KCNQ3: variants seen among roughly 807,000 people sequenced by gnomAD.
KCNQ3 encodes potassium voltage-gated channel subfamily KQT member 3.
KCNQ3 carries 30 observed loss-of-function variants against 92.5 expected under a neutral mutation model. That is an observed-to-expected ratio of 0.32 (90% CI 0.24 to 0.44). The LOEUF (loss-of-function observed/expected upper bound fraction) is 0.44, where lower values mean the gene tolerates loss of function less well. Ranked by LOEUF, KCNQ3 falls within the 20% of genes least tolerant of loss-of-function variation. The pLI is 1.00. For missense variants in KCNQ3, 913 were observed against 1,140.3 expected (o/e 0.80, Z 2.87); for synonymous variants, 450 against 468.8 (o/e 0.96, Z 0.52).
At chr8:132,208,018 C>A (rs1005355520) in intron 1 of KCNQ3, among the ~76,000 whole-genome samples, 12 of 151,778 alleles carry the variant, frequency 7.9e-5, no homozygotes, top group Non-Finnish European at 1.3e-4. Flanking sequence ...AGACAATAGC[C>A]ATGATGGCTG....
chr8:132,317,094 C>A (rs141358787), intron 1 of KCNQ3, among the ~76,000 whole-genome samples: 192 of 152,284 alleles, frequency 1.3e-3, no homozygotes, highest in African/African-American at 4.4e-3. Flanking sequence ...TTAGTGGTAT[C>A]TTTTTGCTAT....
chr8:132,344,851 T>C (rs1818636211), intron 1 of KCNQ3, among the ~76,000 whole-genome samples: 1 of 152,018 alleles, frequency 6.6e-6, no homozygotes, highest in Non-Finnish European at 1.5e-5. Flanking sequence ...GTGCTTTGCG[T>C]GGGGCAACTT....
chr8:132,442,919 C>T (rs958511308), intron 1 of KCNQ3, among the ~76,000 whole-genome samples: 1 of 152,174 alleles, frequency 6.6e-6, no homozygotes, highest in African/African-American at 2.4e-5. Context: ...CCCCTTCTCC[C>T]TATGCAACAC....
intron 1 of KCNQ3, among the ~76,000 whole-genome samples, chr8:132,364,994 T>C (rs376981991): frequency 2.0e-5 from 3 of 152,150 alleles, no homozygotes; most frequent in Non-Finnish European, 2.9e-5. Context: ...TTGTCTCCTA[T>C]TGTCCACCTT....
chr8:132,268,897 T>C (rs1323310630), intron 1 of KCNQ3, among the ~76,000 whole-genome samples: 1 of 152,234 alleles, frequency 6.6e-6, no homozygotes, highest in Non-Finnish European at 1.5e-5. Context: ...CATTTGATGT[T>C]GTCAGTGTTC....
At chr8:132,349,485 C>T (rs1372553299) in intron 1 of KCNQ3, among the ~76,000 whole-genome samples, 2 of 152,182 alleles carry the variant, frequency 1.3e-5, no homozygotes, top group Non-Finnish European at 2.9e-5. Context: ...AGCGGACTTC[C>T]CTGTTCCTTC....
chr8:132,198,058 T>C (rs1229138726), intron 1 of KCNQ3, among the ~76,000 whole-genome samples: 4 of 152,082 alleles, frequency 2.6e-5, no homozygotes, highest in Admixed American at 6.5e-5. Context: ...TAGACTACAG[T>C]AAAGGGTGTC....
chr8:132,178,765 AGCTACAGGTGGCATGGTCACGTTAACAT>A (rs1826652346), intron 4 of KCNQ3, among the ~76,000 whole-genome samples: 1 of 151,894 alleles, frequency 6.6e-6, no homozygotes, highest in Non-Finnish European at 1.5e-5. Context: ...GGAGCTGTCC[AGCTACAGGTGGCATGGTCACGTTAACAT>A]GCATAAGGAA....
chr8:132,221,702 T>G (rs941212754), intron 1 of KCNQ3, among the ~76,000 whole-genome samples: 1 of 152,108 alleles, frequency 6.6e-6, no homozygotes, highest in African/African-American at 2.4e-5. Flanking sequence ...GTTCTTGTAC[T>G]GGTACCAAAA....
intron 8 of KCNQ3, among the ~76,000 whole-genome samples, chr8:132,168,979 C>G (rs1260929106): frequency 6.6e-6 from 1 of 152,000 alleles, no homozygotes; most frequent in Non-Finnish European, 1.5e-5. Flanking sequence ...TACCCATACG[C>G]TTAACAATCT....
At chr8:132,419,924 C>T (rs1587003342) in intron 1 of KCNQ3, among the ~76,000 whole-genome samples, 1 of 152,210 alleles carries the variant, frequency 6.6e-6, no homozygotes, top group African/African-American at 2.4e-5. Flanking sequence ...AGCACTCCCA[C>T]GTTGGAATAC....
At chr8:132,395,350 A>G (rs1056798870) in intron 1 of KCNQ3, among the ~76,000 whole-genome samples, 2 of 152,212 alleles carry the variant, frequency 1.3e-5, no homozygotes, top group African/African-American at 4.8e-5. Context: ...ATAGAACACT[A>G]GAACTTATTC....
intron 1 of KCNQ3, among the ~76,000 whole-genome samples, chr8:132,239,593 C>T (rs958961028): frequency 6.6e-6 from 1 of 152,216 alleles, no homozygotes; most frequent in Non-Finnish European, 1.5e-5. Context: ...GAAGATCACG[C>T]CCATGCTGCA....
intron 1 of KCNQ3, among the ~76,000 whole-genome samples, chr8:132,463,711 G>A (rs1254806562): frequency 1.3e-5 from 2 of 152,158 alleles, no homozygotes; most frequent in East Asian, 1.9e-4. Flanking sequence ...TTATCAAAAC[G>A]GCACATCAGA....
chr8:132,418,109 G>A lies in KCNQ3; in HGVS notation c.386+62038C>T, dbSNP rs952707662. ...ACTTAGCATGCTGGCACTGTGATTG[G>A]GAATAAGAAGGCAGTGCTGGTTTTT... On this transcript the variant is annotated intron_variant, in intron 1 of 14. Transcript: ENST00000388996. Among the ~76,000 whole-genome samples the A allele has an allele frequency of 1.3e-5, 2 of 152,282 alleles. 1 individual carries two copies. Among genetic ancestry groups the A allele is most frequent in the South Asian group, 4.2e-4 (2 of 4,818 alleles).
At chr8:132,180,740 A>G (rs896639109) in intron 3 of KCNQ3, among the ~76,000 whole-genome samples, 5 of 152,054 alleles carry the variant, frequency 3.3e-5, no homozygotes, top group African/African-American at 1.2e-4. Flanking sequence ...TGTTTCTCCT[A>G]AAAGCATCAC....
chr8:132,311,855 A>C (rs1457943364), intron 1 of KCNQ3, among the ~76,000 whole-genome samples: 1 of 152,318 alleles, frequency 6.6e-6, no homozygotes, highest in East Asian at 1.9e-4. Flanking sequence ...AGATCCTCAG[A>C]ATGTGACCTT....
At chr8:132,337,198 G>A (rs983547009) in intron 1 of KCNQ3, among the ~76,000 whole-genome samples, 1 of 152,230 alleles carries the variant, frequency 6.6e-6, no homozygotes, top group African/African-American at 2.4e-5. Flanking sequence ...GTCAAGAACT[G>A]TAAGGCTGAG....
intron 1 of KCNQ3, among the ~76,000 whole-genome samples, chr8:132,338,942 T>C (rs570624139): frequency 3.5e-4 from 53 of 152,268 alleles, no homozygotes; most frequent in African/African-American, 1.1e-3. Context: ...AGCTTGGTCT[T>C]GTGAAACCTC....
Sources: allele counts gnomAD v4.1 joint callset (sites outside exome capture counted in the v4.1 genomes callset), GRCh38; gene constraint gnomAD v4.1.1; transcripts MANE v1.5; gene names NCBI Gene and HGNC (gene_info 2026-07-23, HGNC 2026-07-21).